Variants in DYSF observed in about 807,000 individuals in gnomAD.
DYSF encodes the protein dystrophy-associated fer-1-like 1.
Under a neutral mutation model 274.9 loss-of-function variants are expected in DYSF, and 212 were observed. The observed-to-expected ratio is 0.77, with a 90% CI of 0.69 to 0.86. DYSF has a LOEUF of 0.86. DYSF is among the 40% of genes least tolerant of loss of function. The pLI, the probability that DYSF is intolerant of heterozygous loss-of-function variation, is 0.00. For synonymous variants in DYSF, 1,091 were observed against 1,078.7 expected (o/e 1.01, Z -0.22); for missense variants, 2,666 against 2,783.2 (o/e 0.96, Z 0.95).
intron 1 of DYSF, among the ~76,000 whole-genome samples, chr2:71,455,010 C>T (rs889552892): frequency 1.3e-5 from 2 of 152,176 alleles, no homozygotes; most frequent in Non-Finnish European, 2.9e-5. Context: ...CCACTACCTG[C>T]CACTCCCCTT....
At chr2:71,530,475 G>A (rs144195568) in intron 14 of DYSF, among the ~76,000 whole-genome samples, 1,663 of 152,182 alleles carry the variant, frequency 0.011, 30 homozygotes, top group African/African-American at 0.038. Context: ...CTGGCCCTGG[G>A]GATTTCTTTA....
At chr2:71,661,353 A>C (rs546603655) in intron 45 of DYSF, among the ~76,000 whole-genome samples, 1 of 152,188 alleles carries the variant, frequency 6.6e-6, no homozygotes, top group East Asian at 1.9e-4. Context: ...GACATTTGTC[A>C]AAATGAAGAA....
intron 14 of DYSF, among the ~76,000 whole-genome samples, chr2:71,529,105 AG>A (rs2088342778): frequency 6.6e-6 from 1 of 152,214 alleles, no homozygotes; most frequent in Non-Finnish European, 1.5e-5. Context: ...TGAGCCCTGG[AG>A]GGAGTCATTT....
exon 1 of DYSF, chr2:71,454,072 C>A: frequency 6.2e-7 from 1 of 1,614,076 alleles, no homozygotes; most frequent in Non-Finnish European, 8.5e-7. Flanking sequence ...GCCTACTGCT[C>A]CGCGGTGTTT....
chr2:71,497,221 C>CTGGAGTGT (rs777802986), intron 3 of DYSF, among the ~76,000 whole-genome samples: 2 of 152,180 alleles, frequency 1.3e-5, no homozygotes, highest in Non-Finnish European at 2.9e-5. Context: ...AAATGGGAGA[C>CTGGAGTGT]TGGAGTGTTA....
chr2:71,506,441 C>A (rs576405860), intron 4 of DYSF, among the ~76,000 whole-genome samples: 2 of 152,098 alleles, frequency 1.3e-5, no homozygotes, highest in Non-Finnish European at 2.9e-5. Flanking sequence ...GGTGGACACA[C>A]GATTGACTGA....
chr2:71,490,088 G>A (rs1341156807), intron 3 of DYSF, among the ~76,000 whole-genome samples: 1 of 152,124 alleles, frequency 6.6e-6, no homozygotes, highest in African/African-American at 2.4e-5. Context: ...CTATGTGCAT[G>A]GCCCGTATGG....
chr2:71,537,234 T>TTTTG (rs2089460947), intron 16 of DYSF, among the ~76,000 whole-genome samples: 2 of 143,888 alleles, frequency 1.4e-5, no homozygotes, highest in Admixed American at 6.9e-5. Flanking sequence ...TTTTTTTTTT[T>TTTTG]TTTTTTTTTT....
rs868477231 is a variant in DYSF, at chr2:71,615,866, G to A, written c.4464+2456G>A. 6.6e-6 allele frequency among the ~76,000 whole-genome samples: 1 copy of A among 152,120 alleles called. No individual in the cohort carries two copies. Among genetic ancestry groups the A allele is most frequent in the Non-Finnish European group, 1.5e-5 (1 of 68,010 alleles). On this transcript the variant is annotated intron_variant, in intron 40 of 55. Coordinates refer to ENST00000410020, the MANE Select transcript of DYSF (RefSeq NM_001130987.2). The surrounding 1 kb of genome is among the most constrained non-coding windows in gnomAD (Gnocchi z 4.9). ...TCTGTCTGCCCCACCGGTGTTTCTC[G>A]GCAGCCTGTTCCATCCTCACAGTTG...
intron 29 of DYSF, among the ~76,000 whole-genome samples, chr2:71,573,297 C>G (rs1341605792): frequency 1.3e-5 from 2 of 152,212 alleles, no homozygotes; most frequent in Non-Finnish European, 2.9e-5. Flanking sequence ...CAGACAGAGG[C>G]AAAGCCTGCC....
chr2:71,634,174 GGAGTGGTGTTT>G (rs1273412086), intron 41 of DYSF, among the ~76,000 whole-genome samples: 1 of 152,184 alleles, frequency 6.6e-6, no homozygotes, highest in African/African-American at 2.4e-5. Context: ...TGAGCATGGG[GGAGTGGTGTTT>G]TAATGGCCAG....
At chr2:71,535,205 A>C in intron 15 of DYSF, 63 bp from the exon 16 acceptor site, 1 of 1,595,390 alleles carries the variant, frequency 6.3e-7, no homozygotes, top group African/African-American at 1.3e-5. Flanking sequence ...AGCTCGGGGT[A>C]GGGAGGGGCT....
At chr2:71,496,526 C>T (rs921238780) in intron 3 of DYSF, among the ~76,000 whole-genome samples, 6 of 152,218 alleles carry the variant, frequency 3.9e-5, no homozygotes, top group East Asian at 1.9e-4. Flanking sequence ...CACACTTACA[C>T]GTAGACATAT....
chr2:71,559,447 T>A (rs1045819883), intron 22 of DYSF, among the ~76,000 whole-genome samples: 2 of 152,104 alleles, frequency 1.3e-5, no homozygotes, highest in Admixed American at 6.5e-5. Context: ...AGCTGTGTCA[T>A]GCCTGCCTCC....
In DYSF at chr2:71,669,147, A is replaced by T. The variant is rs1467354054; in HGVS notation, c.5582A>T (p.Asp1861Val). 6.2e-7 allele frequency: 1 copy of T among 1,609,918 alleles called. No homozygotes were observed. Among genetic ancestry groups the T allele is most frequent in the Non-Finnish European group, 8.5e-7 (1 of 1,178,286 alleles). The change falls in exon 50 of 56, where the codon GAT (aspartate) becomes GTT (valine). Residue 1861 changes from aspartate to valine, a missense_variant. Physicochemically the swap from Asp to Val is radical, Grantham distance 152 (BLOSUM62 -3). Around this residue, in one of 3 missense-constraint regions of DYSF, gnomAD observed 1,460 missense variants for 1,502.1 expected, o/e 0.97. Coordinates refer to ENST00000410020, the MANE Select transcript of DYSF (RefSeq NM_001130987.2). Reference protein sequence around the residue: ...FLRCIIWNTRDVILDDLSLTG... With the variant: ...FLRCIIWNTRVVILDDLSLTG... ...CGTTGTATTATCTGGAATACCAGAG[A>T]TGTGATCCTGGATGACCTGAGCCTC...
Position 71,674,253 on chromosome 2 carries a change from C to T in DYSF, c.5841C>T (p.Phe1947=), listed in dbSNP as rs772521748. Residue 1947 remains phenylalanine, a synonymous_variant, in exon 52 of 56, where the codon TTC becomes TTT. Coordinates refer to ENST00000410020, the MANE Select transcript of DYSF (RefSeq NM_001130987.2). ...TESKIPARVV[F]QIWDNDKFSF... ...GCAAAATCCCAGCACGAGTGGTGTT[C>T]CAGATCTGGGACAATGACAAGTTCT... 3.1e-6 allele frequency: 5 copies of T among 1,614,104 alleles called. No individual in the cohort carries two copies. In the East Asian group the frequency reaches 1.1e-4, roughly 36 times the overall value.
intron 30 of DYSF, chr2:71,576,985 A>G (rs2092720178): frequency 6.6e-6 from 1 of 152,294 alleles, no homozygotes; most frequent in Admixed American, 6.5e-5. Context: ...TGACTTGCCT[A>G]TGATACATGG....
At chr2:71,654,142 C>T (rs565693646) in intron 42 of DYSF, among the ~76,000 whole-genome samples, 3 of 152,170 alleles carry the variant, frequency 2.0e-5, no homozygotes, top group East Asian at 1.9e-4. Context: ...CTGATAAACC[C>T]GTGCAAGTTT....
At chr2:71,569,965 C>A in intron 27 of DYSF, 31 bp downstream of exon 27, 2 of 1,599,900 alleles carry the variant, frequency 1.3e-6, no homozygotes, top group Non-Finnish European at 1.7e-6. Context: ...CAGGTGGGGT[C>A]TAGACATTTG....
Sources: allele counts gnomAD v4.1 joint callset (sites outside exome capture counted in the v4.1 genomes callset), GRCh38; gene constraint gnomAD v4.1.1; regional missense constraint gnomAD v4.1.1; non-coding constraint Gnocchi (gnomAD v3.1); transcripts MANE v1.5; gene names NCBI Gene and HGNC (gene_info 2026-07-23, HGNC 2026-07-21).